TXNRD2: variants seen among roughly 807,000 people sequenced by gnomAD.
TXNRD2 encodes the protein thioredoxin reductase 2, also known as thioredoxin reductase 2, mitochondrial.
In TXNRD2, 67 loss-of-function variants were observed where a neutral mutation model predicts 70.8. The observed-to-expected ratio is 0.95, with a 90% confidence interval of 0.78 to 1.16. The LOEUF (loss-of-function observed/expected upper bound fraction) is 1.16. TXNRD2 is among the 50% of genes most tolerant of loss of function. The pLI, the probability that TXNRD2 is intolerant of heterozygous loss-of-function variation, is 0.00. For synonymous variants in TXNRD2, 301 were observed against 295.8 expected (o/e 1.02, Z -0.18); for missense variants, 644 against 719.9 (o/e 0.89, Z 1.21).
At chr22:19,896,899 T>A (rs908094337) in intron 10 of TXNRD2, among the ~76,000 whole-genome samples, 11 of 152,140 alleles carry the variant, frequency 7.2e-5, no homozygotes, top group African/African-American at 2.7e-4. Flanking sequence ...CTGGAGGGCA[T>A]GGCCATCCCA....
At chr22:19,878,018 C>T (rs1161716495) in intron 16 of TXNRD2, 72 bp downstream of exon 16, 1 of 1,291,286 alleles carries the variant, frequency 7.7e-7, no homozygotes, top group Non-Finnish European at 1.1e-6. Context: ...CAGCTCTCCA[C>T]TGTAGGACTG....
At chr22:19,912,695 G>A (rs1940466444) in intron 7 of TXNRD2, among the ~76,000 whole-genome samples, 1 of 152,234 alleles carries the variant, frequency 6.6e-6, no homozygotes, top group Non-Finnish European at 1.5e-5. Flanking sequence ...ATCCTACAAA[G>A]TCACGCAGCC....
intron 5 of TXNRD2, among the ~76,000 whole-genome samples, chr22:19,916,980 T>A (rs1311036880): frequency 6.6e-6 from 1 of 152,208 alleles, no homozygotes; most frequent in Non-Finnish European, 1.5e-5. Context: ...TGCTTGAGCC[T>A]GCCTTCTCCC....
At chr22:19,909,785 A>ACACACACACCACT (rs1252705846) in intron 8 of TXNRD2, among the ~76,000 whole-genome samples, 2 of 106,646 alleles carry the variant, frequency 1.9e-5, no homozygotes, top group Non-Finnish European at 3.7e-5. Context: ...CACACACACC[A>ACACACACACCACT]CACACACACC....
chr22:19,887,209 A>T (rs1159602309), intron 11 of TXNRD2: 2 of 152,218 alleles, frequency 1.3e-5, no homozygotes, highest in African/African-American at 4.8e-5. Flanking sequence ...TGGATACATG[A>T]CACTCTGGCA....
chr22:19,915,814 C>T lies in TXNRD2; in HGVS notation c.479G>A (p.Ser160Asn), dbSNP rs1255947483. 4 of 1,614,188 alleles carry T rather than the reference C, an allele frequency of 2.5e-6. No homozygotes were observed. The highest frequency in any genetic ancestry group is 3.4e-6 in the Non-Finnish European group (4 of 1,180,042). The change falls in exon 6 of 18, where the codon AGC becomes AAC. Residue 160 changes from serine to asparagine, a missense_variant. Physicochemically the swap from Ser to Asn is conservative, Grantham distance 46. Coordinates refer to ENST00000400521, the MANE Select transcript of TXNRD2 (RefSeq NM_006440.5). ...RKVKYFNIKASFVDEHTVCGV... is the reference protein window; with the variant it reads ...RKVKYFNIKANFVDEHTVCGV... ...GCAAACCGTGTGCTCGTCAACAAAGCTGGCTTTGATGTTAAAGTACTTGAC... is the reference window on the plus strand; with the variant it reads ...GCAAACCGTGTGCTCGTCAACAAAGTTGGCTTTGATGTTAAAGTACTTGAC...
At chr22:19,915,916 C>G (rs1940618435) in intron 5 of TXNRD2, 73 bp from the exon 6 acceptor site, 3 of 1,405,298 alleles carry the variant, frequency 2.1e-6, no homozygotes, top group Non-Finnish European at 3.0e-6. Context: ...CAATAGGGAA[C>G]ACTGGTAAAA....
chr22:19,899,540 C>G (rs750521595), intron 8 of TXNRD2, among the ~76,000 whole-genome samples: 2 of 152,246 alleles, frequency 1.3e-5, no homozygotes, highest in Non-Finnish European at 2.9e-5. Flanking sequence ...CCTATCACAG[C>G]TAGGCGCAGG....
rs189646218 is a variant in TXNRD2 at position 19,895,600 on chromosome 22, C to T, written c.775-19G>A. The T allele has an allele frequency of 8.5e-4, 1,366 of 1,607,462 alleles. 2 individuals carry two copies. The highest frequency in any genetic ancestry group is 1.0e-3 in the Non-Finnish European group (1,229 of 1,179,978). On this transcript the variant is annotated intron_variant, in intron 10 of 17. Coordinates refer to ENST00000400521, the MANE Select transcript of TXNRD2 (RefSeq NM_006440.5). ...ACATTTGCTGCAAAGCACAAGAAGA[C>T]AGGCCATGAAGACCAGGTGGCCGTG...
chr22:19,911,083 A>AT (rs1396506252), intron 8 of TXNRD2: 7 of 434,806 alleles, frequency 1.6e-5, no homozygotes, highest in Non-Finnish European at 3.0e-5. Context: ...TAAAAAAAAA[A>AT]GCCAAAAAAA....
chr22:19,920,585 A>G (rs1047754372), intron 2 of TXNRD2, among the ~76,000 whole-genome samples: 1 of 122,784 alleles, frequency 8.1e-6, no homozygotes, highest in Non-Finnish European at 1.7e-5. Flanking sequence ...TCTGTCTCAA[A>G]AAAGAAAGAA....
At chr22:19,896,775 T>G (rs1939526284) in intron 10 of TXNRD2, among the ~76,000 whole-genome samples, 1 of 152,192 alleles carries the variant, frequency 6.6e-6, no homozygotes, top group African/African-American at 2.4e-5. Flanking sequence ...TGTGCGGGTG[T>G]GCCAGCTGGC....
At chr22:19,926,165 A>G (rs1412326343) in intron 2 of TXNRD2, among the ~76,000 whole-genome samples, 4 of 87,956 alleles carry the variant, frequency 4.5e-5, no homozygotes, top group Non-Finnish European at 8.3e-5. Flanking sequence ...CTCCGTCTCA[A>G]AAAAAAAAAA....
intron 8 of TXNRD2, among the ~76,000 whole-genome samples, chr22:19,906,277 AC>A (rs1233089066): frequency 6.6e-6 from 1 of 152,216 alleles, no homozygotes; most frequent in Non-Finnish European, 1.5e-5. Flanking sequence ...TGAAAAGACC[AC>A]TGATCACAGC....
At chr22:19,925,156 C>T (rs977971866) in intron 2 of TXNRD2, among the ~76,000 whole-genome samples, 5 of 151,686 alleles carry the variant, frequency 3.3e-5, no homozygotes, top group Admixed American at 6.6e-5. Flanking sequence ...TGGTGGCATG[C>T]GCCTGTAGTC....
chr22:19,885,194 C>T (rs1409854780), intron 11 of TXNRD2, among the ~76,000 whole-genome samples: 1 of 152,234 alleles, frequency 6.6e-6, no homozygotes, highest in African/African-American at 2.4e-5. Context: ...CGGATGGCCA[C>T]AGCAGCTTTT....
At chr22:19,920,930 G>C (rs1207687103) in intron 2 of TXNRD2, among the ~76,000 whole-genome samples, 1 of 151,916 alleles carries the variant, frequency 6.6e-6, no homozygotes, top group Non-Finnish European at 1.5e-5. Flanking sequence ...GTGAAACCCT[G>C]TCTCTACTAA....
In TXNRD2 at chr22:19,941,698, T is replaced by C; in HGVS notation, c.103+3A>G. On this transcript the variant is annotated splice_donor_region_variant and intron_variant, in intron 1 of 17. Transcript: ENST00000400521. Reference sequence around the variant, plus strand: ...CCGCGGGGACGCCCCGACCCCATCCTACCTGCTGCGCCCCGCGCCGCGCCC... The same window carrying C: ...CCGCGGGGACGCCCCGACCCCATCCCACCTGCTGCGCCCCGCGCCGCGCCC... 6.7e-7 allele frequency: 1 copy of C among 1,482,200 alleles called. No homozygotes were observed. Among genetic ancestry groups the C allele is most frequent in the Middle Eastern group, 2.4e-4 (1 of 4,192 alleles). The allele number at this position is 1,482,200 out of a possible 1,614,324, so 91.8% of individuals were successfully genotyped here.
intron 16 of TXNRD2, among the ~76,000 whole-genome samples, chr22:19,877,436 C>G (rs1342604191): frequency 6.6e-6 from 1 of 152,114 alleles, no homozygotes; most frequent in East Asian, 1.9e-4. Context: ...CTCGTCCAGC[C>G]CACCTCCCAC....
Sources: gnomAD v4.1 joint callset for allele counts (sites outside exome capture counted in the v4.1 genomes callset) on GRCh38, gnomAD v4.1.1 for gene constraint, MANE v1.5 for transcripts, NCBI Gene and HGNC (gene_info 2026-07-23, HGNC 2026-07-21) for gene names.